The following C5orf47 variants were observed in gnomAD, a reference collection of about 807,000 sequenced individuals.
C5orf47 encodes chromosome 5 open reading frame 47, also known as uncharacterized protein C5orf47.
Under a neutral mutation model 20.6 loss-of-function variants are expected in C5orf47, and 20 were observed. The ratio of observed to expected loss-of-function variants is 0.97; its 90% CI spans 0.68 to 1.41. The LOEUF is 1.41. Among genes scored for constraint, C5orf47 ranks in the 40% most tolerant of loss-of-function variants. The probability of loss-of-function intolerance (pLI) is 0.00; values close to 1 mark genes in which losing one functional copy is unlikely to be tolerated. For missense variants in C5orf47, 262 were observed against 238.4 expected (o/e 1.10, Z -0.65); for synonymous variants, 106 against 97.3 (o/e 1.09, Z -0.53).
chr5:173,997,596 A>T (rs1759121052), intron 1 of C5orf47, among the ~76,000 whole-genome samples: 1 of 152,126 alleles, frequency 6.6e-6, no homozygotes, highest in Admixed American at 6.5e-5. Context: ...GCTATGAAGA[A>T]GGTGTTCTCA....
rs908394123 is a variant in C5orf47 at position 174,006,072 on chromosome 5, T to G, written c.*1818T>G. ...GAACATAAGCTGCAATACTTTAACT[T>G]ATTTCTGTTCCATAATTTCAGTAGG... On this transcript the variant is annotated 3_prime_UTR_variant, in exon 5 of 5. Coordinates refer to ENST00000340147, the MANE Select transcript of C5orf47 (RefSeq NM_001144954.2). 2 of 152,384 alleles carry G rather than the reference T, an allele frequency of 1.3e-5. No individual in the cohort carries two copies. Among genetic ancestry groups the G allele is most frequent in the African/African-American group, 4.8e-5 (2 of 41,476 alleles). The allele number at this position is 152,384 out of a possible 1,614,324, so 9.4% of individuals were successfully genotyped here.
chr5:173,999,610 C>A, intron 2 of C5orf47, 90 bp from the exon 3 acceptor site: 1 of 543,050 alleles, frequency 1.8e-6, no homozygotes, highest in Non-Finnish European at 3.3e-6. Context: ...AATTGACATA[C>A]AACACAGTTG....
intron 1 of C5orf47, among the ~76,000 whole-genome samples, chr5:173,992,013 T>C (rs1403633113): frequency 1.3e-5 from 2 of 152,198 alleles, no homozygotes; most frequent in East Asian, 3.8e-4. Flanking sequence ...CTAACTCTAA[T>C]AGGTCAATTT....
chr5:173,992,253 A>G (rs1222106375), intron 1 of C5orf47, among the ~76,000 whole-genome samples: 3 of 140,210 alleles, frequency 2.1e-5, no homozygotes, highest in Non-Finnish European at 4.6e-5. Flanking sequence ...TTTTTTTACT[A>G]AGCTAAGATT....
intron 3 of C5orf47, 22 bp from the exon 4 acceptor site, chr5:174,001,174 T>A: frequency 1.3e-6 from 2 of 1,507,080 alleles, no homozygotes; most frequent in Non-Finnish European, 1.8e-6. Context: ...TAAATTTTCC[T>A]TATTTTTTAT....
chr5:173,989,379 G>A lies in C5orf47; in HGVS notation c.116G>A (p.Gly39Asp), dbSNP rs1758934837. ...VLQLGGRGAQ[G>D]LWGQGPGAGC... ...CAACTGGGCGGCCGTGGAGCTCAAGGCCTTTGGGGTCAGGGGCCTGGGGCA... is the reference window on the plus strand; with the variant it reads ...CAACTGGGCGGCCGTGGAGCTCAAGACCTTTGGGGTCAGGGGCCTGGGGCA... Residue 39 changes from glycine (G) to aspartate (D), a missense_variant, in exon 1 of 5, where the codon GGC becomes GAC. By Grantham distance (94) the Gly-to-Asp change is moderately conservative. Coordinates refer to ENST00000340147, the MANE Select transcript of C5orf47 (RefSeq NM_001144954.2). 6.5e-7 allele frequency: 1 copy of A among 1,534,796 alleles called. No homozygotes were observed. The highest frequency in any genetic ancestry group is 8.8e-7 in the Non-Finnish European group (1 of 1,138,948).
intron 1 of C5orf47, among the ~76,000 whole-genome samples, chr5:173,994,692 T>C (rs1482772192): frequency 6.6e-6 from 1 of 152,238 alleles, no homozygotes; most frequent in Non-Finnish European, 1.5e-5. Context: ...ACCACGCTGC[T>C]GTGCTTGCGA....
At chr5:173,992,180 G>T (rs1759009634) in intron 1 of C5orf47, among the ~76,000 whole-genome samples, 1 of 149,884 alleles carries the variant, frequency 6.7e-6, no homozygotes, top group Non-Finnish European at 1.5e-5. Context: ...ATATATATGT[G>T]CACTCTGTCT....
At chr5:173,999,867 T>C in intron 3 of C5orf47, 68 bp downstream of exon 3, 1 of 771,730 alleles carries the variant, frequency 1.3e-6, no homozygotes, top group Non-Finnish European at 2.1e-6. Flanking sequence ...ATCCTGGGAT[T>C]GCATGAGATC....
At position 174,005,842 on chromosome 5, in the gene C5orf47, A is replaced by G. The variant is rs1325756331; in HGVS notation, c.*1588A>G. The G allele has an allele frequency of 6.6e-6, 1 of 152,366 alleles. No homozygotes were observed. The highest frequency in any genetic ancestry group is 2.4e-5 in the African/African-American group (1 of 41,452). The allele number at this position is 152,366 out of a possible 1,614,324, so 9.4% of individuals were successfully genotyped here. ...TATCAATATTTGTTAGATTTAAAAT[A>G]AGAGTCTAATGCTGGATACAAACTC... On this transcript the variant is annotated 3_prime_UTR_variant, in exon 5 of 5. Transcript: ENST00000340147.
intron 4 of C5orf47, 55 bp downstream of exon 4, chr5:174,001,286 C>G: frequency 2.1e-6 from 2 of 937,102 alleles, no homozygotes; most frequent in Non-Finnish European, 3.3e-6. Flanking sequence ...CCCTTCCCTT[C>G]TGTATCCTCC....
chr5:173,992,371 C>G (rs989566156), intron 1 of C5orf47, among the ~76,000 whole-genome samples: 1 of 151,824 alleles, frequency 6.6e-6, no homozygotes, highest in Admixed American at 6.6e-5. Flanking sequence ...TATGATATGG[C>G]CTTCAGCCTG....
rs1043803925 is a variant in C5orf47 at position 173,999,773 on chromosome 5, T to A, written c.485T>A (p.Leu162Gln). ...LEENEKYRHR[L>Q]KCQRLSSESS... ...GAAAATGAAAAATATAGACACAGGC[T>A]GAAATGCCAAAGGTTATCTAGTGAA... The change falls in exon 3 of 5, where the codon CTG (leucine) becomes CAG (glutamine). Residue 162 changes from leucine (L) to glutamine (Q), a missense_variant. By Grantham distance (113) the Leu-to-Gln change is moderately radical (BLOSUM62 -2). Transcript: ENST00000340147. 4 of 1,536,304 alleles carry A rather than the reference T, an allele frequency of 2.6e-6. No individual in the cohort carries two copies. Among genetic ancestry groups the A allele is most frequent in the Non-Finnish European group, 3.5e-6 (4 of 1,135,962 alleles).
At position 174,005,504 on chromosome 5, in the gene C5orf47, G is replaced by A. The variant is rs1759273706; in HGVS notation, c.*1250G>A. ...CCTGTTTCTAGATGAAGGACACATT[G>A]CCTGGGGAAATGGCCTCGGTTTTTT... On this transcript the variant is annotated 3_prime_UTR_variant, in exon 5 of 5. Coordinates refer to ENST00000340147, the MANE Select transcript of C5orf47 (RefSeq NM_001144954.2). 1 of 152,260 alleles carries A rather than the reference G, an allele frequency of 6.6e-6. No individual in the cohort carries two copies. The highest frequency in any genetic ancestry group is 2.1e-4 in the South Asian group (1 of 4,820). The allele number at this position is 152,260 out of a possible 1,614,324, so 9.4% of individuals were successfully genotyped here.
chr5:174,006,264 A>T (rs1438391129), downstream of C5orf47: 2 of 152,306 alleles, frequency 1.3e-5, no homozygotes, highest in Non-Finnish European at 2.9e-5. Context: ...AAGGCATTTT[A>T]TTTTAGCCCA....
intron 4 of C5orf47, among the ~76,000 whole-genome samples, chr5:174,002,720 C>G (rs1384384191): frequency 6.6e-6 from 1 of 151,988 alleles, no homozygotes; most frequent in African/African-American, 2.4e-5. Context: ...TAATTTATAG[C>G]CTACATTTCA....
chr5:173,989,600 G>A lies in C5orf47; in HGVS notation c.325+12G>A. 7.0e-7 allele frequency: 1 copy of A among 1,425,336 alleles called. No homozygotes were observed. Among genetic ancestry groups the A allele is most frequent in the Non-Finnish European group, 9.2e-7 (1 of 1,092,050 alleles). The allele number at this position is 1,425,336 out of a possible 1,614,324, so 88.3% of individuals were successfully genotyped here. On this transcript the variant is annotated intron_variant, in intron 1 of 4. Transcript: ENST00000340147. ...GTCGGCGCGTGCAGGTGGTGCAGCG[G>A]GGCAGGGCGGGACCGGGCGCGGCGG...
At chr5:173,995,909 G>A (rs1307549983) in intron 1 of C5orf47, among the ~76,000 whole-genome samples, 1 of 152,212 alleles carries the variant, frequency 6.6e-6, no homozygotes, top group East Asian at 1.9e-4. Context: ...CTGAAGTTTA[G>A]AGATTCAGGA....
chr5:174,007,319 T>C (rs1379025797), downstream of C5orf47, among the ~76,000 whole-genome samples: 1 of 152,204 alleles, frequency 6.6e-6, no homozygotes, highest in Non-Finnish European at 1.5e-5. Flanking sequence ...TGACAAATTA[T>C]TGCTACCATT....
Sources: allele counts gnomAD v4.1 joint callset (sites outside exome capture counted in the v4.1 genomes callset), GRCh38; gene constraint gnomAD v4.1.1; transcripts MANE v1.5; gene names NCBI Gene and HGNC (gene_info 2026-07-23, HGNC 2026-07-21).